Variants in C8orf34 observed in about 807,000 individuals in gnomAD.
The protein encoded by C8orf34 is chromosome 8 open reading frame 34.
Under a neutral mutation model 68.3 loss-of-function variants are expected in C8orf34, and 65 were observed. The observed-to-expected ratio is 0.95, with a 90% CI of 0.78 to 1.17. The LOEUF (loss-of-function observed/expected upper bound fraction) is 1.17. Among genes scored for constraint, C8orf34 ranks in the 50% most tolerant of loss-of-function variants. The probability of loss-of-function intolerance (pLI) is 0.00; values close to 1 mark genes in which losing one functional copy is unlikely to be tolerated. For missense variants in C8orf34, 664 were observed against 655.4 expected (o/e 1.01, Z -0.14); for synonymous variants, 244 against 241.2 (o/e 1.01, Z -0.11).
At position 68,446,446 on chromosome 8, in the gene C8orf34, C is replaced by A. The variant is rs374028023; in HGVS notation, c.593C>A (p.Pro198Gln). The change falls in exon 3 of 14, where the codon CCG (proline) becomes CAG (glutamine). Residue 198 changes from proline to glutamine, a missense_variant. Transcript: ENST00000518698. ...LAVSNISPPSPDSKSLPRSVE... is the reference protein window; with the variant it reads ...LAVSNISPPSQDSKSLPRSVE... ...GTGTCTAATATTTCTCCACCATCAC[C>A]GGACTCCAAATCATGTAAGGAAGTC... The A allele has an allele frequency of 6.2e-7, 1 of 1,611,976 alleles. No individual in the cohort carries two copies. Among genetic ancestry groups the A allele is most frequent in the African/African-American group, 1.3e-5 (1 of 74,834 alleles).
intron 10 of C8orf34, among the ~76,000 whole-genome samples, chr8:68,723,805 G>GA (rs968467533): frequency 6.6e-5 from 10 of 152,014 alleles, no homozygotes; most frequent in African/African-American, 2.2e-4. Flanking sequence ...AAAATGCAAA[G>GA]AAAAAAGAAA....
chr8:68,515,982 C>A (rs761001296), intron 5 of C8orf34, among the ~76,000 whole-genome samples: 1 of 152,198 alleles, frequency 6.6e-6, no homozygotes, highest in East Asian at 1.9e-4. Context: ...GTGTATAGAT[C>A]AATGTGCATA....
chr8:68,416,102 A>G (rs1247846138), intron 1 of C8orf34, among the ~76,000 whole-genome samples: 1 of 152,204 alleles, frequency 6.6e-6, no homozygotes, highest in Non-Finnish European at 1.5e-5. Flanking sequence ...TCTTAACCAA[A>G]CTATGTGAGC....
At chr8:68,579,184 C>CTTT (rs1469508698) in intron 7 of C8orf34, among the ~76,000 whole-genome samples, 1 of 151,994 alleles carries the variant, frequency 6.6e-6, no homozygotes, top group East Asian at 1.9e-4. Context: ...ACAGAAACTG[C>CTTT]TTTTCCTCGG....
At chr8:68,783,067 C>CAA (rs750669752) in intron 11 of C8orf34, among the ~76,000 whole-genome samples, 36,037 of 128,486 alleles carry the variant, frequency 0.28, 4,720 homozygotes, top group Middle Eastern at 0.39. Flanking sequence ...GAACATGTCT[C>CAA]AAAAAAAAAA....
chr8:68,448,013 T>C (rs1036599561), intron 3 of C8orf34: 5 of 152,096 alleles, frequency 3.3e-5, no homozygotes, highest in African/African-American at 4.8e-5. Flanking sequence ...AAAAAATGAA[T>C]AAAGTCTCAG....
intron 3 of C8orf34, among the ~76,000 whole-genome samples, chr8:68,457,469 T>G (rs2129628321): frequency 6.6e-6 from 1 of 152,312 alleles, no homozygotes; most frequent in African/African-American, 2.4e-5. Context: ...ATTTATTAAA[T>G]TTTAGAAAAC....
At chr8:68,529,773 T>C (rs1815167407) in intron 6 of C8orf34, among the ~76,000 whole-genome samples, 1 of 152,202 alleles carries the variant, frequency 6.6e-6, no homozygotes, top group South Asian at 2.1e-4. Context: ...CTTTTAGAAA[T>C]AATTATATTA....
rs545230898 is a variant in C8orf34 at position 68,551,994 on chromosome 8, T to A, written c.1105+18845T>A. Among the ~76,000 whole-genome samples the A allele has an allele frequency of 2.6e-5, 4 of 152,264 alleles. No homozygotes were observed. The East Asian group carries it at 7.7e-4, about 29-fold the overall frequency. On this transcript the variant is annotated intron_variant, in intron 7 of 13. Transcript: ENST00000518698. Reference sequence around the variant, plus strand: ...CCAATTTGTCAAAAGATGAATTTTTTCCATTGAATTTGCTTGGTATTCTTG... The same window carrying A: ...CCAATTTGTCAAAAGATGAATTTTTACCATTGAATTTGCTTGGTATTCTTG...
At chr8:68,493,455 A>C (rs1813399346) in intron 5 of C8orf34, among the ~76,000 whole-genome samples, 1 of 152,222 alleles carries the variant, frequency 6.6e-6, no homozygotes, top group Non-Finnish European at 1.5e-5. Flanking sequence ...CCACTATCAG[A>C]AAACAAACAA....
intron 10 of C8orf34, among the ~76,000 whole-genome samples, chr8:68,739,118 G>C (rs1822206026): frequency 6.6e-6 from 1 of 152,028 alleles, no homozygotes; most frequent in African/African-American, 2.4e-5. Context: ...TTTATCCCTG[G>C]GACGCATGGT....
chr8:68,753,315 C>A (rs9886368), intron 10 of C8orf34, among the ~76,000 whole-genome samples: 28,494 of 151,782 alleles, frequency 0.19, 3,522 homozygotes, highest in African/African-American at 0.34. Context: ...GCTAACATGG[C>A]CCCTCTCACT....
chr8:68,375,555 C>G (rs1011907673), intron 1 of C8orf34, among the ~76,000 whole-genome samples: 2 of 152,176 alleles, frequency 1.3e-5, no homozygotes, highest in Admixed American at 1.3e-4. Context: ...TATACTGGCA[C>G]CTTTCACAAT....
At chr8:68,634,859 A>G (rs767416422) in intron 7 of C8orf34, among the ~76,000 whole-genome samples, 2 of 152,172 alleles carry the variant, frequency 1.3e-5, no homozygotes, top group African/African-American at 4.8e-5. Flanking sequence ...GCAGGAGCCA[A>G]TTTCACTGCC....
chr8:68,574,346 C>CTGAACCTCATTGT lies in C8orf34; in HGVS notation c.1105+41199_1105+41211dup, dbSNP rs1235264953. Among the ~76,000 whole-genome samples the CTGAACCTCATTGT allele has an allele frequency of 7.9e-5, 12 of 152,088 alleles. No individual in the cohort carries two copies. The East Asian group carries it at 2.3e-3, about 29-fold the overall frequency. ...CTATCTCATGACTATGTGATATGCT[C>CTGAACCTCATTGT]TGAACCTCATTGTTCAATCAGAAAT... On this transcript the variant is annotated intron_variant, in intron 7 of 13. Transcript: ENST00000518698.
At chr8:68,698,431 G>A (rs1422768374) in intron 8 of C8orf34, among the ~76,000 whole-genome samples, 3 of 152,080 alleles carry the variant, frequency 2.0e-5, no homozygotes, top group Non-Finnish European at 4.4e-5. Flanking sequence ...AAGCCTGGAA[G>A]TGCTGAGTTT....
intron 11 of C8orf34, among the ~76,000 whole-genome samples, chr8:68,785,845 A>C (rs1033390960): frequency 1.3e-5 from 2 of 152,126 alleles, no homozygotes; most frequent in Admixed American, 6.6e-5. Flanking sequence ...CCACCACTCC[A>C]CTTCCAAACT....
intron 8 of C8orf34, among the ~76,000 whole-genome samples, chr8:68,670,251 A>G (rs1406011837): frequency 2.6e-5 from 4 of 152,154 alleles, no homozygotes; most frequent in South Asian, 2.1e-4. Flanking sequence ...AAGACTTTCT[A>G]ATCTTCTCAT....
chr8:68,487,874 A>T (rs1441867638), intron 4 of C8orf34, 149 bp from the exon 5 acceptor site: 16 of 549,272 alleles, frequency 2.9e-5, no homozygotes, highest in Admixed American at 7.6e-5. Flanking sequence ...TGGTAAAAGG[A>T]TGTGCCACAT....
Sources: allele counts gnomAD v4.1 joint callset (sites outside exome capture counted in the v4.1 genomes callset), GRCh38; gene constraint gnomAD v4.1.1; transcripts MANE v1.5; gene names NCBI Gene and HGNC (gene_info 2026-07-23, HGNC 2026-07-21).